KLHL6: variants seen among roughly 807,000 people sequenced by gnomAD.
KLHL6 encodes the protein kelch-like protein 6.
A neutral mutation model predicts 58.6 loss-of-function variants in KLHL6; 41 were observed. That is an observed-to-expected ratio of 0.70 (90% CI 0.55 to 0.91). The LOEUF (loss-of-function observed/expected upper bound fraction) is 0.91. KLHL6 is among the 40% of genes least tolerant of loss of function. The pLI is 0.00. For missense variants in KLHL6, 714 were observed against 805.6 expected (o/e 0.89, Z 1.38); for synonymous variants, 338 against 322.7 (o/e 1.05, Z -0.51).
intron 1 of KLHL6, among the ~76,000 whole-genome samples, chr3:183,546,911 CTT>C (rs397991831): frequency 3.2e-4 from 43 of 132,706 alleles, no homozygotes; most frequent in Admixed American, 4.7e-4. Context: ...TGCCATAAGT[CTT>C]TTTTTTTTTT....
intron 2 of KLHL6, among the ~76,000 whole-genome samples, chr3:183,510,538 T>C (rs1718152180): frequency 6.6e-6 from 1 of 152,110 alleles, no homozygotes; most frequent in African/African-American, 2.4e-5. Flanking sequence ...TATTGCAAAA[T>C]ATTATCTTTC....
At chr3:183,506,301 T>C (rs1167479977) in intron 3 of KLHL6, among the ~76,000 whole-genome samples, 1 of 152,234 alleles carries the variant, frequency 6.6e-6, no homozygotes, top group Non-Finnish European at 1.5e-5. Flanking sequence ...AAATGACATG[T>C]TTATTCACCG....
At chr3:183,540,116 A>G (rs762850456) in intron 1 of KLHL6, among the ~76,000 whole-genome samples, 3 of 152,194 alleles carry the variant, frequency 2.0e-5, no homozygotes, top group Non-Finnish European at 4.4e-5. Flanking sequence ...CCAAGCCACA[A>G]TGATTGGTTC....
chr3:183,522,068 G>T (rs113918083), intron 2 of KLHL6, among the ~76,000 whole-genome samples: 16,061 of 149,192 alleles, frequency 0.11, 1,144 homozygotes, highest in Middle Eastern at 0.18. Flanking sequence ...GCTCAGGCCT[G>T]TAATCCCAGC....
At position 183,490,551 on chromosome 3, in the gene KLHL6, A is replaced by T. The variant is rs1717515359; in HGVS notation, c.*1376T>A. ...ACCGGGCCCAGTGGCTCACACCTGT[A>T]ATCCCAGCACTTCGGGAGGCCGAGG... On this transcript the variant is annotated 3_prime_UTR_variant, in exon 7 of 7. Transcript: ENST00000341319. The T allele has an allele frequency of 6.6e-6, 1 of 152,072 alleles. No individual in the cohort carries two copies. The highest frequency in any genetic ancestry group is 1.5e-5 in the Non-Finnish European group (1 of 68,022). 9.4% of individuals were successfully genotyped at this position (152,072 alleles called of 1,614,324 possible). A position where few individuals can be genotyped will look rare whatever the true frequency, so the allele number is the denominator to read the frequency against.
intron 2 of KLHL6, among the ~76,000 whole-genome samples, chr3:183,525,223 C>A (rs571464685): frequency 7.1e-6 from 1 of 141,124 alleles, no homozygotes; most frequent in African/African-American, 2.6e-5. Context: ...GAGATTGCAC[C>A]ACTGCACTCC....
chr3:183,531,443 GTT>G (rs59579259), intron 1 of KLHL6, among the ~76,000 whole-genome samples: 208 of 90,296 alleles, frequency 2.3e-3, no homozygotes, highest in Middle Eastern at 0.013. Context: ...TTTTGTCTGT[GTT>G]TTTTTTTTTT....
chr3:183,493,918 A>C, intron 5 of KLHL6, 161 bp downstream of exon 5: 1 of 686,150 alleles, frequency 1.5e-6, no homozygotes, highest in Non-Finnish European at 2.6e-6. Flanking sequence ...TACTGAAGCA[A>C]TAGCTCCTAG....
chr3:183,529,773 A>AGACCCCATCTT (rs1488243738), intron 1 of KLHL6, among the ~76,000 whole-genome samples: 1 of 152,098 alleles, frequency 6.6e-6, no homozygotes, highest in Non-Finnish European at 1.5e-5. Context: ...CAACAGGGCA[A>AGACCCCATCTT]GACCCCATCT....
intron 2 of KLHL6, among the ~76,000 whole-genome samples, chr3:183,518,805 G>A (rs1474279288): frequency 3.9e-5 from 6 of 152,302 alleles, no homozygotes; most frequent in South Asian, 2.1e-4. Flanking sequence ...AACAGGAGAC[G>A]TGAGAGAACG....
At position 183,489,260 on chromosome 3, in the gene KLHL6, A is replaced by C. The variant is rs1717478605; in HGVS notation, c.*2667T>G. 6.6e-6 allele frequency: 1 copy of C among 152,140 alleles called. No individual in the cohort carries two copies. The highest frequency in any genetic ancestry group is 2.4e-5 in the African/African-American group (1 of 41,426). The allele number at this position is 152,140 out of a possible 1,614,324, so 9.4% of individuals were successfully genotyped here. A position where few individuals can be genotyped will look rare whatever the true frequency, so the allele number is the denominator to read the frequency against. On this transcript the variant is annotated 3_prime_UTR_variant, in exon 7 of 7. Transcript: ENST00000341319. ...AGTTCCTCCCTGCAATAGTCTTTGGAGTAAGACTGACTTTTCCTTCACAAA... is the reference window on the plus strand; with the variant it reads ...AGTTCCTCCCTGCAATAGTCTTTGGCGTAAGACTGACTTTTCCTTCACAAA...
chr3:183,521,579 C>T (rs188609925), intron 2 of KLHL6: 4 of 152,374 alleles, frequency 2.6e-5, no homozygotes, highest in African/African-American at 9.6e-5. Context: ...CACAGGACCA[C>T]AGGAGTCAAA....
At chr3:183,511,722 C>T (rs565780440) in intron 2 of KLHL6, among the ~76,000 whole-genome samples, 1 of 152,312 alleles carries the variant, frequency 6.6e-6, no homozygotes, top group East Asian at 1.9e-4. Context: ...AAGGCACATC[C>T]TGCACAGCCC....
chr3:183,492,382 T>G lies in KLHL6; in HGVS notation c.1564+112A>C. 2 of 1,339,348 alleles carry G rather than the reference T, an allele frequency of 1.5e-6. No homozygotes were observed. Among genetic ancestry groups the G allele is most frequent in the Middle Eastern group, 2.0e-4 (1 of 5,036 alleles). 83.0% of individuals were successfully genotyped at this position (1,339,348 alleles called of 1,614,324 possible). ...CTCTCCTGAAAGCCAGAGTGGGTCC[T>G]AGGGGCAGTGAGTTGCCAGCGCTGG... On this transcript the variant is annotated intron_variant, in intron 6 of 6. Coordinates refer to ENST00000341319, the MANE Select transcript of KLHL6 (RefSeq NM_130446.4). The surrounding 1 kb of genome is among the most constrained non-coding windows in gnomAD (Gnocchi z 5.9).
intron 1 of KLHL6, among the ~76,000 whole-genome samples, chr3:183,532,044 C>T (rs1712181090): frequency 6.6e-6 from 1 of 152,190 alleles, no homozygotes; most frequent in Non-Finnish European, 1.5e-5. Context: ...TATGGAATGT[C>T]ATGGATTGAA....
rs11459693 is a variant in KLHL6 at position 183,495,579 on chromosome 3, CA to C, written c.1148-1299del. ...TAAAACCTATGATTTTATTTTAGGA[CA>C]AAAAAAAAAAACCCTGAGAAAGCAT... On this transcript the variant is annotated intron_variant, in intron 4 of 6. Coordinates refer to ENST00000341319, the MANE Select transcript of KLHL6 (RefSeq NM_130446.4). Among the ~76,000 whole-genome samples the C allele has an allele frequency of 2.1e-3, 298 of 142,590 alleles. 1 individual carries two copies. Among genetic ancestry groups the C allele is most frequent in the African/African-American group, 3.5e-3 (139 of 39,304 alleles). 93.5% of individuals were successfully genotyped at this position (142,590 alleles called of 152,430 possible).
At chr3:183,528,766 G>C (rs1712061782) in intron 1 of KLHL6, among the ~76,000 whole-genome samples, 1 of 152,158 alleles carries the variant, frequency 6.6e-6, no homozygotes, top group Non-Finnish European at 1.5e-5. Context: ...CTGAAATGGG[G>C]ATTTTAATAG....
At chr3:183,504,762 G>A (rs1717958411) in intron 3 of KLHL6, among the ~76,000 whole-genome samples, 1 of 152,102 alleles carries the variant, frequency 6.6e-6, no homozygotes, top group African/African-American at 2.4e-5. Flanking sequence ...GTGTGTTGTG[G>A]GGGTTTGGTG....
In KLHL6 at chr3:183,553,274, G is replaced by A. The variant is rs561297144; in HGVS notation, c.293+2087C>T. On this transcript the variant is annotated intron_variant, in intron 1 of 6. Coordinates refer to ENST00000341319, the MANE Select transcript of KLHL6 (RefSeq NM_130446.4). ...TCTCATTGCCGTTGCCTCCTCTGAC[G>A]ACCGGCAGAGACTTTCCCTAAGTAT... Among the ~76,000 whole-genome samples, 37 of 152,186 alleles carry A rather than the reference G, an allele frequency of 2.4e-4. No homozygotes were observed. The Middle Eastern group carries it at 0.01, about 42-fold the overall frequency.
Sources: allele counts gnomAD v4.1 joint callset (sites outside exome capture counted in the v4.1 genomes callset), GRCh38; gene constraint gnomAD v4.1.1; non-coding constraint Gnocchi (gnomAD v3.1); transcripts MANE v1.5; gene names NCBI Gene and HGNC (gene_info 2026-07-23, HGNC 2026-07-21).